PXDNL: variants seen among roughly 807,000 people sequenced by gnomAD.
The protein encoded by PXDNL is peroxidasin like.
In PXDNL, 145 loss-of-function variants were observed where a neutral mutation model predicts 150.8. That is an observed-to-expected ratio of 0.96 (90% CI 0.84 to 1.10). The LOEUF (loss-of-function observed/expected upper bound fraction) is 1.10. Ranked by LOEUF, PXDNL falls within the 50% of genes least tolerant of loss-of-function variation. The pLI, the probability that PXDNL is intolerant of heterozygous loss-of-function variation, is 0.00. For synonymous variants in PXDNL, 757 were observed against 725.7 expected (o/e 1.04, Z -0.69); for missense variants, 2,087 against 1,873.9 (o/e 1.11, Z -2.10).
chr8:51,660,484 C>A (rs933410914), intron 1 of PXDNL, among the ~76,000 whole-genome samples: 9 of 152,128 alleles, frequency 5.9e-5, no homozygotes, highest in Non-Finnish European at 1.3e-4. Flanking sequence ...GAGAGCAAAA[C>A]AAATGAGCTG....
intron 19 of PXDNL, among the ~76,000 whole-genome samples, chr8:51,369,191 G>T (rs1394067849): frequency 6.6e-6 from 1 of 151,986 alleles, no homozygotes; most frequent in Admixed American, 6.6e-5. Context: ...TGGGAAATTC[G>T]CAACTTCAGG....
intron 2 of PXDNL, among the ~76,000 whole-genome samples, chr8:51,641,727 G>T (rs1814760468): frequency 6.6e-6 from 1 of 151,924 alleles, no homozygotes; most frequent in Non-Finnish European, 1.5e-5. Flanking sequence ...AGAGGATGTG[G>T]AGAAATAGGA....
At chr8:51,726,610 C>G (rs1373100933) in intron 1 of PXDNL, among the ~76,000 whole-genome samples, 2 of 152,184 alleles carry the variant, frequency 1.3e-5, no homozygotes, top group Non-Finnish European at 2.9e-5. Flanking sequence ...CTTTAACTCA[C>G]ATTCTAGGTT....
intron 1 of PXDNL, among the ~76,000 whole-genome samples, chr8:51,681,365 T>C (rs1164904284): frequency 9.9e-5 from 15 of 152,172 alleles, no homozygotes; most frequent in Non-Finnish European, 5.9e-5. Flanking sequence ...AATCCCGGAA[T>C]TGTTTGTGCA....
chr8:51,350,646 C>T (rs957054840), intron 19 of PXDNL, among the ~76,000 whole-genome samples: 5 of 152,060 alleles, frequency 3.3e-5, no homozygotes, highest in Non-Finnish European at 7.3e-5. Context: ...TGAGCCATCG[C>T]GCCCAGCCGC....
At chr8:51,395,264 A>T (rs1808046546) in intron 17 of PXDNL, among the ~76,000 whole-genome samples, 1 of 152,214 alleles carries the variant, frequency 6.6e-6, no homozygotes, top group African/African-American at 2.4e-5. Context: ...GAACACACTC[A>T]ACAAAAGAGC....
intron 1 of PXDNL, among the ~76,000 whole-genome samples, chr8:51,728,869 CA>C (rs1816867600): frequency 6.6e-6 from 1 of 152,166 alleles, no homozygotes; most frequent in South Asian, 2.1e-4. Flanking sequence ...TAGGCCTTCA[CA>C]TTTACTCGCC....
rs190924968 is a variant in PXDNL at position 51,720,528 on chromosome 8, T to C, written c.165-65768A>G. Among the ~76,000 whole-genome samples the C allele has an allele frequency of 3.2e-3, 489 of 152,142 alleles. 6 individuals carry two copies. The highest frequency in any genetic ancestry group is 3.4e-3 in the Middle Eastern group (1 of 290). On this transcript the variant is annotated intron_variant, in intron 1 of 22. Transcript: ENST00000356297. Reference sequence around the variant, plus strand: ...TTTGAGAATTTATACATAGTATTTTTATTTTTATTAACCAAAATTTTAAAA... The same window carrying C: ...TTTGAGAATTTATACATAGTATTTTCATTTTTATTAACCAAAATTTTAAAA...
At chr8:51,487,672 A>G (rs1376078930) in intron 5 of PXDNL, among the ~76,000 whole-genome samples, 4 of 152,174 alleles carry the variant, frequency 2.6e-5, no homozygotes, top group African/African-American at 9.7e-5. Context: ...CGTAGTAGTA[A>G]GAAGTTGATT....
At chr8:51,749,336 T>A (rs777339108) in intron 1 of PXDNL, among the ~76,000 whole-genome samples, 2 of 152,156 alleles carry the variant, frequency 1.3e-5, no homozygotes, top group Non-Finnish European at 2.9e-5. Flanking sequence ...TGTGCACACA[T>A]CATAGAGTGT....
intron 2 of PXDNL, among the ~76,000 whole-genome samples, chr8:51,645,930 G>A (rs931297931): frequency 6.6e-6 from 1 of 152,072 alleles, no homozygotes; most frequent in Admixed American, 6.6e-5. Flanking sequence ...TGTAAGGAAA[G>A]TGCTGCGTGC....
rs1808501449 is a variant in PXDNL, at chr8:51,408,384, C to T, written c.3240G>A (p.Pro1080=). The T allele has an allele frequency of 3.7e-6, 6 of 1,613,918 alleles. No individual in the cohort carries two copies. In the Admixed American group the frequency reaches 6.7e-5, roughly 18 times the overall value. Residue 1080 remains proline, a synonymous_variant, in exon 17 of 23, where the codon CCG becomes CCA. Coordinates refer to ENST00000356297, the MANE Select transcript of PXDNL (RefSeq NM_144651.5). ...TLGEISEGHL[P]FHKALFSPSR... ...ACGGTGAAAAGAGCGCTTTATGGAA[C>T]GGAAGGTGGCCTTCGGAAATTTCAC... is the stretch of plus-strand genomic sequence containing the variant.
At chr8:51,380,171 G>T (rs1807489987) in intron 17 of PXDNL, among the ~76,000 whole-genome samples, 1 of 151,998 alleles carries the variant, frequency 6.6e-6, no homozygotes, top group South Asian at 2.1e-4. Context: ...TTTTAAGAAA[G>T]TCTATGAATT....
chr8:51,379,548 A>G (rs1262799957), intron 17 of PXDNL, among the ~76,000 whole-genome samples: 1 of 151,498 alleles, frequency 6.6e-6, no homozygotes, highest in Non-Finnish European at 1.5e-5. Flanking sequence ...ACTGTTAATT[A>G]TCTATATATT....
chr8:51,724,226 T>C (rs1033448167), intron 1 of PXDNL, among the ~76,000 whole-genome samples: 1 of 151,802 alleles, frequency 6.6e-6, no homozygotes, highest in African/African-American at 2.4e-5. Flanking sequence ...TGTTAATTGA[T>C]GGCATCCAAG....
chr8:51,556,663 T>C (rs1812605977), intron 4 of PXDNL, among the ~76,000 whole-genome samples, 177 bp downstream of exon 4: 2 of 152,188 alleles, frequency 1.3e-5, no homozygotes, highest in African/African-American at 4.8e-5. Context: ...CTTCCTATCC[T>C]TATGCCAACT....
chr8:51,605,971 C>T (rs1026010276), intron 2 of PXDNL, among the ~76,000 whole-genome samples: 5 of 152,172 alleles, frequency 3.3e-5, no homozygotes, highest in Admixed American at 6.5e-5. Flanking sequence ...GATGCTAGTG[C>T]CATGCACTCG....
intron 2 of PXDNL, among the ~76,000 whole-genome samples, chr8:51,598,759 G>C (rs577229465): frequency 6.6e-6 from 1 of 152,236 alleles, no homozygotes; most frequent in Non-Finnish European, 1.5e-5. Flanking sequence ...TTCAGAGAAT[G>C]AGTTATGGAA....
chr8:51,535,134 G>A lies in PXDNL; in HGVS notation c.380+21706C>T, dbSNP rs1362461019. 2.0e-4 allele frequency among the ~76,000 whole-genome samples: 27 copies of A among 133,106 alleles called. 1 individual carries two copies. Among genetic ancestry groups the A allele is most frequent in the African/African-American group, 9.2e-4 (27 of 29,428 alleles). The allele number at this position is 133,106 out of a possible 152,430, so 87.3% of individuals were successfully genotyped here. On this transcript the variant is annotated intron_variant, in intron 4 of 22. Transcript: ENST00000356297. ...CCGCCCGGCCAGCCGCCCCATCCGG[G>A]AGGTGAGGGGCGCTTCTGCCCGGCC...
Sources: gnomAD v4.1 joint callset for allele counts (sites outside exome capture counted in the v4.1 genomes callset) on GRCh38, gnomAD v4.1.1 for gene constraint, MANE v1.5 for transcripts, NCBI Gene and HGNC (gene_info 2026-07-23, HGNC 2026-07-21) for gene names.